Variants in KLF13 observed in about 807,000 individuals in gnomAD.
The protein encoded by KLF13 is KLF transcription factor 13.
Under a neutral mutation model 16.7 loss-of-function variants are expected in KLF13, and 8 were observed. That is an observed-to-expected ratio of 0.48 (90% CI 0.28 to 0.87). The LOEUF is 0.87. Among genes scored for constraint, KLF13 ranks in the 40% least tolerant of loss-of-function variants. The pLI, the probability that KLF13 is intolerant of heterozygous loss-of-function variation, is 0.10. For synonymous variants in KLF13, 245 were observed against 208.4 expected, an observed-to-expected ratio of 1.18 and a Z score of -1.51; for missense variants, 447 against 452.2, an observed-to-expected ratio of 0.99 and a Z score of 0.10.
At chr15:31,432,466 T>A (rs967490925) in intron 1 of KLF13, among the ~76,000 whole-genome samples, 5 of 141,054 alleles carry the variant, frequency 3.5e-5, no homozygotes, top group Non-Finnish European at 4.6e-5. Flanking sequence ...TTTTTTTTTT[T>A]AAAATAAGGT....
chr15:31,327,679 G>A lies in KLF13; in HGVS notation c.467G>A (p.Ser156Asn), dbSNP rs768886163. The A allele has an allele frequency of 1.4e-5, 22 of 1,520,196 alleles. No individual in the cohort carries two copies. In the East Asian group the frequency reaches 3.0e-4, roughly 21 times the overall value. 94.2% of individuals were successfully genotyped at this position (1,520,196 alleles called of 1,614,324 possible). The change falls in exon 1 of 2, where the codon AGT becomes AAT. Residue 156 changes from serine (S) to asparagine (N), a missense_variant. Physicochemically the swap from Ser to Asn is conservative, Grantham distance 46. Transcript: ENST00000307145. ...AGACAAAGGGTCCGGCGGGGCCGAA[G>A]TCGCGCCGACCTCGAGTCCCCGCAG... ...GLRQRVRRGR[S>N]RADLESPQRK...
At chr15:31,393,409 T>G in intron 1 of KLF13, among the ~76,000 whole-genome samples, 1 of 142,566 alleles carries the variant, frequency 7.0e-6, no homozygotes, top group Non-Finnish European at 1.5e-5. Context: ...ACCTACCCCG[T>G]CACCCCCGGC....
chr15:31,391,566 G>C (rs961774685), upstream of KLF13, among the ~76,000 whole-genome samples: 4 of 152,082 alleles, frequency 2.6e-5, no homozygotes, highest in Admixed American at 1.3e-4. Flanking sequence ...GCCCCATCTG[G>C]GGCCCCACAC....
intron 1 of KLF13, among the ~76,000 whole-genome samples, chr15:31,356,361 C>T (rs1255021502): frequency 1.3e-5 from 2 of 152,196 alleles, no homozygotes; most frequent in African/African-American, 2.4e-5. Context: ...TCAGACCAGC[C>T]TGACCAACAT....
downstream of KLF13, among the ~76,000 whole-genome samples, chr15:31,379,631 G>A (rs2039699688): frequency 6.6e-6 from 1 of 152,184 alleles, no homozygotes; most frequent in African/African-American, 2.4e-5. Context: ...CCCGGCTTTT[G>A]AAGAACAAAT....
At chr15:31,427,906 G>T (rs1217491536) in intron 1 of KLF13, among the ~76,000 whole-genome samples, 1 of 152,114 alleles carries the variant, frequency 6.6e-6, no homozygotes, top group East Asian at 1.9e-4. Flanking sequence ...CACCAAGGAA[G>T]AAATCTGTCC....
At chr15:31,382,799 T>C (rs2140976748), downstream of KLF13, among the ~76,000 whole-genome samples, 1 of 152,304 alleles carries the variant, frequency 6.6e-6, no homozygotes, top group South Asian at 2.1e-4. Flanking sequence ...AGGCTGCCAA[T>C]GTGTCTAGGT....
At chr15:31,333,202 T>C (rs1470686647) in intron 1 of KLF13, among the ~76,000 whole-genome samples, 1 of 152,206 alleles carries the variant, frequency 6.6e-6, no homozygotes, top group African/African-American at 2.4e-5. Flanking sequence ...CTATTATTAA[T>C]ACTAAATTTC....
Position 31,394,883 on chromosome 15 carries a change from A to G in KLF13, n.529+1192A>G, listed in dbSNP as rs547277678. On this transcript the variant is annotated intron_variant and non_coding_transcript_variant, in intron 2 of 2. Coordinates refer to the KLF13 transcript ENST00000500533. The stretch of plus-strand genomic sequence containing the variant: ...GAATATCTCATATAAATGTAATCAA[A>G]CAATATGTGGCTTTTTTGTGTCTGT... 1.3e-4 allele frequency among the ~76,000 whole-genome samples: 20 copies of G among 152,266 alleles called. No homozygotes were observed. The East Asian group carries it at 3.7e-3, about 28-fold the overall frequency.
chr15:31,426,024 C>G (rs536053414), intron 1 of KLF13, among the ~76,000 whole-genome samples: 1 of 152,166 alleles, frequency 6.6e-6, no homozygotes, highest in Non-Finnish European at 1.5e-5. Flanking sequence ...GAGCAAAATG[C>G]CTCCAGTCTC....
chr15:31,382,580 G>T (rs1182700904), downstream of KLF13, among the ~76,000 whole-genome samples: 1 of 152,148 alleles, frequency 6.6e-6, no homozygotes, highest in Non-Finnish European at 1.5e-5. Context: ...CATTTTTCTG[G>T]CTGCTGCATT....
chr15:31,336,000 C>T (rs1008833141), intron 1 of KLF13, among the ~76,000 whole-genome samples: 1 of 152,272 alleles, frequency 6.6e-6, no homozygotes, highest in Non-Finnish European at 1.5e-5. Context: ...GTGCTTGTCT[C>T]CTGTGAGCAC....
In KLF13 at chr15:31,376,567, C is replaced by CTAT. The variant is rs367997116; in HGVS notation, c.*4271_*4273dup. On this transcript the variant is annotated 3_prime_UTR_variant, in exon 2 of 2. Coordinates refer to ENST00000307145, the MANE Select transcript of KLF13 (RefSeq NM_015995.4). ...GGATTACCCCAGGAAGAACCAGGTC[C>CTAT]TATTACTAATTTTCCTGATTCTGAG... The CTAT allele has an allele frequency of 3.8e-3, 584 of 152,718 alleles. 5 individuals are homozygous for CTAT. Among genetic ancestry groups the CTAT allele is most frequent in the Non-Finnish European group, 6.0e-3 (405 of 68,034 alleles). The allele number at this position is 152,718 out of a possible 1,614,324, so 9.5% of individuals were successfully genotyped here. A position where few individuals can be genotyped will look rare whatever the true frequency, so the allele number is the denominator to read the frequency against.
intron 1 of KLF13, among the ~76,000 whole-genome samples, chr15:31,351,468 G>T (rs766144866): frequency 1.8e-5 from 1 of 55,292 alleles, no homozygotes; most frequent in East Asian, 3.9e-4. Flanking sequence ...TTTCTAACCT[G>T]GTCTGAGTGG....
At chr15:31,424,360 G>T (rs2040377526) in intron 1 of KLF13, among the ~76,000 whole-genome samples, 2 of 152,066 alleles carry the variant, frequency 1.3e-5, no homozygotes, top group Non-Finnish European at 2.9e-5. Flanking sequence ...ACATTAAAAG[G>T]TTTATACACC....
At chr15:31,379,450 A>G (rs1364028143), downstream of KLF13, among the ~76,000 whole-genome samples, 1 of 152,082 alleles carries the variant, frequency 6.6e-6, no homozygotes, top group African/African-American at 2.4e-5. Context: ...GACAGGAAAA[A>G]AAAAAAGCCT....
At chr15:31,406,046 G>A (rs2040124784), downstream of KLF13, among the ~76,000 whole-genome samples, 1 of 152,162 alleles carries the variant, frequency 6.6e-6, no homozygotes, top group Non-Finnish European at 1.5e-5. Flanking sequence ...TTAAAAATGT[G>A]ATGATAAAAA....
chr15:31,389,321 A>T (rs1042069283), upstream of KLF13, among the ~76,000 whole-genome samples: 1 of 152,228 alleles, frequency 6.6e-6, no homozygotes, highest in Non-Finnish European at 1.5e-5. Context: ...TTATCTGTTC[A>T]TGTGATCAGC....
chr15:31,342,465 T>C (rs965918054), intron 1 of KLF13, among the ~76,000 whole-genome samples: 7 of 152,150 alleles, frequency 4.6e-5, no homozygotes, highest in Non-Finnish European at 1.0e-4. Context: ...AGAACAGAAA[T>C]CCTGTTTGCA....
Sources: gnomAD v4.1 joint callset for allele counts (sites outside exome capture counted in the v4.1 genomes callset) on GRCh38, gnomAD v4.1.1 for gene constraint, MANE v1.5 for transcripts, NCBI Gene and HGNC (gene_info 2026-07-23, HGNC 2026-07-21) for gene names.